Variants in ZNF383 observed in about 807,000 individuals in gnomAD.
ZNF383 encodes the protein zinc finger protein 383.
ZNF383 carries 32 observed loss-of-function variants against 44.2 expected under a neutral mutation model. That is an observed-to-expected ratio of 0.72 (90% CI 0.55 to 0.97). The LOEUF is 0.97. Among genes scored for constraint, ZNF383 ranks in the 50% least tolerant of loss-of-function variants. The pLI, the probability that ZNF383 is intolerant of heterozygous loss-of-function variation, is 0.00. For synonymous variants in ZNF383, 155 were observed against 186.2 expected (o/e 0.83, Z 1.36); for missense variants, 487 against 562.5 (o/e 0.87, Z 1.36).
At chr19:37,227,653 G>T in intron 2 of ZNF383, 1 of 152,738 alleles carries the variant, frequency 6.5e-6, no homozygotes, top group South Asian at 1.8e-4. Flanking sequence ...CACAGAGACC[G>T]GTATTGGCCC....
intron 5 of ZNF383, among the ~76,000 whole-genome samples, chr19:37,239,876 T>A (rs917368572): frequency 1.3e-5 from 2 of 152,064 alleles, no homozygotes; most frequent in Admixed American, 1.3e-4. Context: ...TACTGCAAGA[T>A]CTGCCGGGCG....
rs1402064206 is a variant in ZNF383 at position 37,229,630 on chromosome 19, G to A, written c.-45-779G>A. ...TATATATATATGTGTGTGTGTGTGT[G>A]TGTATATATATATATATGTATATAT... On this transcript the variant is annotated intron_variant, in intron 2 of 5. Coordinates refer to ENST00000684119, the MANE Select transcript of ZNF383 (RefSeq NM_001387601.1). 4.2e-5 allele frequency among the ~76,000 whole-genome samples: 6 copies of A among 143,632 alleles called. No individual in the cohort carries two copies. In the South Asian group the frequency reaches 1.3e-3, roughly 31 times the overall value. The allele number at this position is 143,632 out of a possible 152,430, so 94.2% of individuals were successfully genotyped here. A position where few individuals can be genotyped will look rare whatever the true frequency, so the allele number is the denominator to read the frequency against.
chr19:37,220,083 C>G (rs1278127936), intron 1 of ZNF383, among the ~76,000 whole-genome samples: 1 of 152,134 alleles, frequency 6.6e-6, no homozygotes, highest in African/African-American at 2.4e-5. Flanking sequence ...AGAAATAACC[C>G]AGTAATATTT....
intron 1 of ZNF383, among the ~76,000 whole-genome samples, chr19:37,223,679 A>T (rs1202764890): frequency 1.3e-5 from 2 of 152,128 alleles, no homozygotes; most frequent in African/African-American, 4.8e-5. Context: ...AACATACCAA[A>T]ATTATGTTTC....
intron 5 of ZNF383, among the ~76,000 whole-genome samples, chr19:37,242,028 GATACTATATATAGTATAGATACTATAT>G (rs1568532019): frequency 4.2e-3 from 8 of 1,898 alleles, no homozygotes; most frequent in African/African-American, 5.5e-3. Flanking sequence ...ATACTATAAA[GATACTATATATAGTATAGATACTATAT>G]ATACTATATA....
chr19:37,237,997 G>A (rs943890925), intron 5 of ZNF383, among the ~76,000 whole-genome samples: 5 of 151,436 alleles, frequency 3.3e-5, no homozygotes, highest in Non-Finnish European at 5.9e-5. Context: ...CGAGTAGCTC[G>A]GCCCACAGGC....
chr19:37,221,346 G>T (rs1972908536), intron 1 of ZNF383, among the ~76,000 whole-genome samples: 2 of 152,038 alleles, frequency 1.3e-5, no homozygotes, highest in Non-Finnish European at 2.9e-5. Context: ...ACTTTGGGAG[G>T]CCTACTGGGC....
intron 5 of ZNF383, among the ~76,000 whole-genome samples, chr19:37,238,281 CATT>C (rs1163432407): frequency 6.6e-6 from 1 of 151,224 alleles, no homozygotes; most frequent in Non-Finnish European, 1.5e-5. Flanking sequence ...ATTAGCATGA[CATT>C]AATATTATAT....
chr19:37,240,668 A>G (rs549942343), intron 5 of ZNF383, among the ~76,000 whole-genome samples: 3 of 152,224 alleles, frequency 2.0e-5, no homozygotes, highest in African/African-American at 4.8e-5. Flanking sequence ...AAGGCAAACA[A>G]TATTTCCATT....
Position 37,243,332 on chromosome 19 carries a change from T to C in ZNF383, c.1096T>C (p.Tyr366His). The change falls in exon 6 of 6, where the codon TAT becomes CAT. Residue 366 changes from tyrosine (Y) to histidine (H), a missense_variant. Coordinates refer to ENST00000684119, the MANE Select transcript of ZNF383 (RefSeq NM_001387601.1). ...HQRIHTGEKP[Y>H]DCKECGKAFT... ...GAGAATTCACACTGGTGAGAAACCCTATGATTGTAAGGAATGTGGAAAGGC... is the reference window on the plus strand; with the variant it reads ...GAGAATTCACACTGGTGAGAAACCCCATGATTGTAAGGAATGTGGAAAGGC... 1 of 1,614,172 alleles carries C rather than the reference T, an allele frequency of 6.2e-7. No individual in the cohort carries two copies. Among genetic ancestry groups the C allele is most frequent in the South Asian group, 1.1e-5 (1 of 91,088 alleles).
Position 37,243,581 on chromosome 19 carries a change from C to T in ZNF383, c.1345C>T (p.Pro449Ser), listed in dbSNP as rs149725989. The T allele has an allele frequency of 9.3e-6, 15 of 1,613,130 alleles. No individual in the cohort carries two copies. The African/African-American group carries it at 1.7e-4, about 19-fold the overall frequency. Reference protein sequence around the residue: ...RHLRIHTGEKPYNCKECGKAF... With the variant: ...RHLRIHTGEKSYNCKECGKAF... ...TCTGAGAATTCACACTGGTGAAAAG[C>T]CCTATAACTGTAAGGAATGTGGGAA... Residue 449 changes from proline (P) to serine (S), a missense_variant, in exon 6 of 6, where the codon CCC becomes TCC. By Grantham distance (74) the Pro-to-Ser change is moderately conservative. Coordinates refer to ENST00000684119, the MANE Select transcript of ZNF383 (RefSeq NM_001387601.1).
chr19:37,237,576 G>A (rs1973880290), intron 5 of ZNF383, among the ~76,000 whole-genome samples: 1 of 152,144 alleles, frequency 6.6e-6, no homozygotes, highest in Non-Finnish European at 1.5e-5. Context: ...GGGTAAGAGA[G>A]AAAATGTCTT....
At position 37,243,209 on chromosome 19, in the gene ZNF383, C is replaced by G. The variant is rs1324093863; in HGVS notation, c.973C>G (p.Leu325Val). ...CAAAGCCTTTACCCAGAGCTCAAAG[C>G]TTGTTCAACATCAGAGAATTCATAC... ...CGKAFTQSSK[L>V]VQHQRIHTGE... Residue 325 changes from leucine (L) to valine (V), a missense_variant, in exon 6 of 6, where the codon CTT becomes GTT. Physicochemically the swap from Leu to Val is conservative, Grantham distance 32. Coordinates refer to ENST00000684119, the MANE Select transcript of ZNF383 (RefSeq NM_001387601.1). The G allele has an allele frequency of 6.2e-7, 1 of 1,614,148 alleles. No individual in the cohort carries two copies. The highest frequency in any genetic ancestry group is 8.5e-7 in the Non-Finnish European group (1 of 1,180,032).
At chr19:37,235,776 T>C (rs777851351) in intron 4 of ZNF383, 101 bp downstream of exon 4, 1 of 1,423,836 alleles carries the variant, frequency 7.0e-7, no homozygotes, top group Non-Finnish European at 9.5e-7. Context: ...GCTGAATTTC[T>C]ATTCTTTATT....
At chr19:37,236,938 T>C (rs942045251) in intron 5 of ZNF383, among the ~76,000 whole-genome samples, 2 of 148,852 alleles carry the variant, frequency 1.3e-5, no homozygotes, top group Non-Finnish European at 3.0e-5. Context: ...TAATTGCGTC[T>C]GTATACACAC....
chr19:37,241,913 C>T (rs78314652), intron 5 of ZNF383, among the ~76,000 whole-genome samples: 10,900 of 148,040 alleles, frequency 0.074, 571 homozygotes, highest in African/African-American at 0.13. Flanking sequence ...TATGTACACA[C>T]GCATACTTAT....
intron 3 of ZNF383, among the ~76,000 whole-genome samples, chr19:37,234,550 T>C (rs890023874): frequency 1.1e-4 from 16 of 152,040 alleles, no homozygotes; most frequent in South Asian, 2.1e-4. Context: ...CCACCACGCC[T>C]GGCTAATTTT....
At chr19:37,233,818 T>G (rs1436057545) in intron 3 of ZNF383, among the ~76,000 whole-genome samples, 1 of 152,158 alleles carries the variant, frequency 6.6e-6, no homozygotes, top group Non-Finnish European at 1.5e-5. Context: ...GGAAGAAGCT[T>G]TCTTTTTATT....
intron 5 of ZNF383, among the ~76,000 whole-genome samples, chr19:37,237,642 C>T (rs1973883405): frequency 6.6e-6 from 1 of 152,098 alleles, no homozygotes; most frequent in African/African-American, 2.4e-5. Context: ...TTATAAAGAA[C>T]AGACATTTAT....
Sources: allele counts gnomAD v4.1 joint callset (sites outside exome capture counted in the v4.1 genomes callset), GRCh38; gene constraint gnomAD v4.1.1; transcripts MANE v1.5; gene names NCBI Gene and HGNC (gene_info 2026-07-23, HGNC 2026-07-21).